ENAH: variants seen among roughly 807,000 people sequenced by gnomAD.
ENAH encodes ENAH actin regulator, also known as protein enabled homolog.
In ENAH, 23 loss-of-function variants were observed where a neutral mutation model predicts 78.7. The ratio of observed to expected loss-of-function variants is 0.29; its 90% CI spans 0.21 to 0.41. The LOEUF (loss-of-function observed/expected upper bound fraction) is 0.41. ENAH is among the 10% of genes least tolerant of loss of function. ENAH has a pLI of 1.00. For missense variants in ENAH, 544 were observed against 691.0 expected (o/e 0.79, Z 2.39); for synonymous variants, 226 against 241.0 (o/e 0.94, Z 0.58).
chr1:225,564,240 G>A lies in ENAH; in HGVS notation c.171+3009C>T, dbSNP rs371454392. 7.2e-5 allele frequency among the ~76,000 whole-genome samples: 11 copies of A among 151,796 alleles called. 1 individual carries two copies. In the East Asian group the frequency reaches 1.5e-3, roughly 21 times the overall value. ...AGTGATTCTTCCACCTCAGCCTCTCGAGTAGCTGGGACTACAGGCACACAC... is the reference window on the plus strand; with the variant it reads ...AGTGATTCTTCCACCTCAGCCTCTCAAGTAGCTGGGACTACAGGCACACAC... On this transcript the variant is annotated intron_variant, in intron 2 of 13. Transcript: ENST00000366843.
At chr1:225,541,162 C>T (rs1005328625) in intron 3 of ENAH, among the ~76,000 whole-genome samples, 3 of 152,124 alleles carry the variant, frequency 2.0e-5, no homozygotes, top group Non-Finnish European at 4.4e-5. Context: ...TGGCCGGGCA[C>T]GGTGGCTCAT....
intron 7 of ENAH, 119 bp downstream of exon 7, chr1:225,514,477 A>G: frequency 2.2e-6 from 2 of 927,182 alleles, no homozygotes; most frequent in East Asian, 2.6e-5. Flanking sequence ...AAATTATTTC[A>G]ATTTTTTAAA....
At chr1:225,600,717 G>A (rs2096926426) in intron 1 of ENAH, among the ~76,000 whole-genome samples, 1 of 152,030 alleles carries the variant, frequency 6.6e-6, no homozygotes, top group South Asian at 2.1e-4. Context: ...AAATTAGCCA[G>A]GCATGTGGTG....
chr1:225,578,806 A>G (rs2096800599), intron 1 of ENAH, among the ~76,000 whole-genome samples: 2 of 152,232 alleles, frequency 1.3e-5, no homozygotes. Context: ...GTGAATTACT[A>G]TCTAATAGAG....
intron 1 of ENAH, among the ~76,000 whole-genome samples, chr1:225,631,529 G>A (rs1021345563): frequency 2.7e-4 from 39 of 142,470 alleles, no homozygotes; most frequent in Admixed American, 7.3e-5. Context: ...AGCTGAGATC[G>A]CACCACTACA....
intron 3 of ENAH, among the ~76,000 whole-genome samples, chr1:225,533,418 T>C (rs1011466451): frequency 1.3e-5 from 2 of 152,104 alleles, no homozygotes; most frequent in African/African-American, 4.8e-5. Context: ...ACCATTTCAG[T>C]GGGAAAATGA....
chr1:225,635,606 A>C (rs900711012), intron 1 of ENAH, among the ~76,000 whole-genome samples: 2 of 152,226 alleles, frequency 1.3e-5, no homozygotes, highest in African/African-American at 2.4e-5. Flanking sequence ...GAGGAAACTC[A>C]GGCAAGAAGT....
At chr1:225,514,561 G>C in intron 7 of ENAH, 35 bp downstream of exon 7, 1 of 1,486,824 alleles carries the variant, frequency 6.7e-7, no homozygotes, top group Non-Finnish European at 9.4e-7. Flanking sequence ...GGAAGAATAA[G>C]ACATATTAAA....
intron 1 of ENAH, among the ~76,000 whole-genome samples, chr1:225,615,500 G>T (rs1374090435): frequency 6.6e-6 from 1 of 152,108 alleles, no homozygotes; most frequent in Non-Finnish European, 1.5e-5. Flanking sequence ...CTGCCTGGCC[G>T]CCCATTGTCT....
intron 2 of ENAH, among the ~76,000 whole-genome samples, chr1:225,562,591 A>AC (rs2096713115): frequency 6.7e-6 from 1 of 148,460 alleles, no homozygotes; most frequent in Non-Finnish European, 1.5e-5. Flanking sequence ...AAAAAAAAAA[A>AC]AAAAAAAAAA....
chr1:225,613,518 T>C (rs2097003847), intron 1 of ENAH, among the ~76,000 whole-genome samples: 1 of 152,240 alleles, frequency 6.6e-6, no homozygotes, highest in South Asian at 2.1e-4. Flanking sequence ...ATTTTATGTG[T>C]AATAAGCACA....
chr1:225,498,474 A>C (rs1268064518), intron 12 of ENAH, 70 bp from the exon 13 acceptor site: 1 of 953,806 alleles, frequency 1.0e-6, no homozygotes, highest in Non-Finnish European at 1.6e-6. Flanking sequence ...TACTCATAAA[A>C]TTTTAAGAAT....
rs538264334 is a variant in ENAH at position 225,648,622 on chromosome 1, G to C, written c.5+4064C>G. On this transcript the variant is annotated intron_variant, in intron 1 of 13. Coordinates refer to ENST00000366843, the MANE Select transcript of ENAH (RefSeq NM_018212.6). The stretch of plus-strand genomic sequence containing the variant: ...GCTCTTGCTCCTAAAATAAACCTCT[G>C]TGGGAAAGTCACACATCCAACAGCT... Among the ~76,000 whole-genome samples, 3 of 152,274 alleles carry C rather than the reference G, an allele frequency of 2.0e-5. No homozygotes were observed. The South Asian group carries it at 6.2e-4, about 32-fold the overall frequency.
intron 3 of ENAH, among the ~76,000 whole-genome samples, chr1:225,542,924 C>G (rs1399004727): frequency 1.3e-5 from 2 of 151,528 alleles, no homozygotes; most frequent in Non-Finnish European, 2.9e-5. Context: ...GAGGCTGAGG[C>G]AGGAGGATCC....
chr1:225,640,981 C>T (rs1045510469), intron 1 of ENAH, among the ~76,000 whole-genome samples: 6 of 150,218 alleles, frequency 4.0e-5, no homozygotes, highest in Non-Finnish European at 7.4e-5. Context: ...CTGCAAGCTC[C>T]GCCTCCCGAG....
At chr1:225,618,827 T>A (rs1212699318) in intron 1 of ENAH, among the ~76,000 whole-genome samples, 1 of 152,182 alleles carries the variant, frequency 6.6e-6, no homozygotes, top group Non-Finnish European at 1.5e-5. Flanking sequence ...GATTCTACTC[T>A]ATACTAAATT....
rs1389107965 is a variant in ENAH at position 225,607,404 on chromosome 1, GTAACT to G, written c.6-39995_6-39991del. ...AAGCCGAAAAGCAGATGGATTAGAG[GTAACT>G]GACTTAGTAGGCTGAAGAAAACAGA... On this transcript the variant is annotated intron_variant, in intron 1 of 13. Coordinates refer to ENST00000366843, the MANE Select transcript of ENAH (RefSeq NM_018212.6). 1.5e-4 allele frequency among the ~76,000 whole-genome samples: 23 copies of G among 151,692 alleles called. 1 individual carries two copies. Among genetic ancestry groups the G allele is most frequent in the African/African-American group, 5.6e-4 (23 of 41,384 alleles).
intron 3 of ENAH, among the ~76,000 whole-genome samples, chr1:225,537,017 A>T (rs1194351039): frequency 5.9e-5 from 9 of 152,068 alleles, no homozygotes; most frequent in Non-Finnish European, 1.2e-4. Context: ...CTGTTTTTTT[A>T]AAAATCTGTC....
At chr1:225,585,434 A>T (rs2096841283) in intron 1 of ENAH, among the ~76,000 whole-genome samples, 1 of 152,100 alleles carries the variant, frequency 6.6e-6, no homozygotes, top group South Asian at 2.1e-4. Flanking sequence ...CAGAATACAC[A>T]TTCTTTTCAA....
Sources: gnomAD v4.1 joint callset for allele counts (sites outside exome capture counted in the v4.1 genomes callset) on GRCh38, gnomAD v4.1.1 for gene constraint, MANE v1.5 for transcripts, NCBI Gene and HGNC (gene_info 2026-07-23, HGNC 2026-07-21) for gene names.